LYST: variants seen among roughly 807,000 people sequenced by gnomAD.
LYST encodes the protein lysosomal trafficking regulator.
A neutral mutation model predicts 413.6 loss-of-function variants in LYST; 192 were observed. The observed-to-expected ratio is 0.46, with a 90% CI of 0.41 to 0.52. LYST has a LOEUF of 0.52. Among genes scored for constraint, LYST ranks in the 20% least tolerant of loss-of-function variants. LYST has a pLI of 0.00. For synonymous variants in LYST, 1,525 were observed against 1,567.3 expected, an observed-to-expected ratio of 0.97 and a Z score of 0.64; for missense variants, 3,815 against 4,499.9, an observed-to-expected ratio of 0.85 and a Z score of 4.35.
At chr1:235,691,083 A>AT (rs1181052416) in intron 47 of LYST, among the ~76,000 whole-genome samples, 20 of 151,598 alleles carry the variant, frequency 1.3e-4, no homozygotes, top group Admixed American at 2.6e-4. Context: ...CGCCCAGCTA[A>AT]TTTTTTTTGT....
chr1:235,851,207 G>A (rs929820856), intron 1 of LYST, among the ~76,000 whole-genome samples: 54 of 151,302 alleles, frequency 3.6e-4, no homozygotes, highest in Non-Finnish European at 7.4e-4. Context: ...TATATATGAT[G>A]AAATACAATG....
chr1:235,698,984 A>G (rs1451304053), intron 45 of LYST, among the ~76,000 whole-genome samples: 1 of 152,192 alleles, frequency 6.6e-6, no homozygotes, highest in Non-Finnish European at 1.5e-5. Context: ...GAATTCATAT[A>G]AAAGGAACTT....
At chr1:235,813,959 C>G (rs1352423997) in intron 3 of LYST, among the ~76,000 whole-genome samples, 1 of 152,072 alleles carries the variant, frequency 6.6e-6, no homozygotes, top group Non-Finnish European at 1.5e-5. Flanking sequence ...GTGTTAGAGG[C>G]AGGGTAACAA....
intron 34 of LYST, among the ~76,000 whole-genome samples, chr1:235,732,224 C>A (rs1034874124): frequency 6.6e-6 from 1 of 152,052 alleles, no homozygotes; most frequent in African/African-American, 2.4e-5. Flanking sequence ...ATGTATTTAA[C>A]CATATTACGG....
intron 25 of LYST, 113 bp from the exon 26 acceptor site, chr1:235,753,387 TG>T: frequency 1.4e-6 from 1 of 709,208 alleles, no homozygotes. Flanking sequence ...AAAAACAAGT[TG>T]GGGGAGTAAG....
At position 235,759,041 on chromosome 1, in the gene LYST, T is replaced by C. The variant is rs112601869; in HGVS notation, c.6812A>G (p.Asp2271Gly). The part of the protein sequence containing the change: ...RWPSLVDRNT[D>G]DWENFAYSLG... ...AGAATAGGCAAAGTTTTCCCAATCA[T>C]CAGTGTTTCTATCAACAAGACTTGG... Residue 2271 changes from aspartate (D) to glycine (G), a missense_variant, in exon 23 of 53, where the codon GAT (aspartate) becomes GGT (glycine). By Grantham distance (94) the Asp-to-Gly change is moderately conservative. Around this residue, in one of 4 missense-constraint regions of LYST, gnomAD observed 771 missense variants for 837.1 expected, o/e 0.92. Coordinates refer to ENST00000389793, the MANE Select transcript of LYST (RefSeq NM_000081.4). The C allele has an allele frequency of 1.2e-3, 1,884 of 1,614,082 alleles. 27 individuals carry two copies. In the African/African-American group the frequency reaches 0.018, roughly 16 times the overall value.
intron 32 of LYST, 44 bp downstream of exon 32, chr1:235,734,439 A>C (rs536540053): frequency 2.7e-6 from 4 of 1,457,202 alleles, no homozygotes; most frequent in South Asian, 1.1e-5. Flanking sequence ...TTCTTTATCT[A>C]TGATGGAATC....
intron 47 of LYST, among the ~76,000 whole-genome samples, chr1:235,692,831 G>A (rs1660772747): frequency 6.7e-6 from 1 of 150,006 alleles, no homozygotes. Context: ...GGCCAGCCTG[G>A]GCAACATGGA....
intron 1 of LYST, among the ~76,000 whole-genome samples, chr1:235,841,462 T>C (rs1003931855): frequency 5.9e-5 from 9 of 152,178 alleles, no homozygotes; most frequent in Non-Finnish European, 2.9e-5. Flanking sequence ...TGGCACCATG[T>C]TGGTAGCTTA....
intron 19 of LYST, among the ~76,000 whole-genome samples, chr1:235,773,454 C>T (rs944902508): frequency 5.3e-5 from 8 of 152,064 alleles, no homozygotes; most frequent in South Asian, 4.2e-4. Context: ...ATATATAGAA[C>T]GGAATATTAT....
intron 1 of LYST, among the ~76,000 whole-genome samples, chr1:235,858,798 G>A (rs1327046806): frequency 6.6e-6 from 1 of 152,090 alleles, no homozygotes. Context: ...GCATTGTTAT[G>A]GGGGTGGGGA....
intron 31 of LYST, 82 bp downstream of exon 31, chr1:235,741,338 TCA>T: frequency 8.8e-7 from 1 of 1,138,812 alleles, no homozygotes; most frequent in South Asian, 1.2e-5. Context: ...GCATGAACAT[TCA>T]GTTTAATTTC....
Position 235,793,525 on chromosome 1 carries a change from A to T in LYST, c.4094T>A (p.Phe1365Tyr). Reference sequence around the variant, plus strand: ...TACTGTACAAGGAGATTTCTCCAGAAATATTCTCAAAAGAAGGGTTAGCTC... The same window carrying T: ...TACTGTACAAGGAGATTTCTCCAGATATATTCTCAAAAGAAGGGTTAGCTC... ...SEELTLLLRI[F>Y]LEKSPCTKIL... is the part of the protein sequence containing the mutation. The change falls in exon 11 of 53, where the codon TTT becomes TAT. Residue 1365 changes from phenylalanine (F) to tyrosine (Y), a missense_variant. Physicochemically the swap from Phe to Tyr is conservative, Grantham distance 22. Coordinates refer to ENST00000389793, the MANE Select transcript of LYST (RefSeq NM_000081.4). The T allele has an allele frequency of 6.4e-7, 1 of 1,569,106 alleles. No homozygotes were observed. The highest frequency in any genetic ancestry group is 8.8e-7 in the Non-Finnish European group (1 of 1,142,618).
chr1:235,763,622 T>C (rs1443725189), intron 21 of LYST, among the ~76,000 whole-genome samples: 1 of 135,178 alleles, frequency 7.4e-6, no homozygotes, highest in African/African-American at 2.4e-5. Flanking sequence ...AGCAACTTTT[T>C]TTTTCTTTTT....
chr1:235,664,598 G>A lies in LYST; in HGVS notation c.11062C>T (p.Leu3688Phe), dbSNP rs748823383. The A allele has an allele frequency of 1.2e-6, 2 of 1,614,138 alleles. No homozygotes were observed. The highest frequency in any genetic ancestry group is 2.7e-5 in the African/African-American group (2 of 75,034). The change falls in exon 51 of 53, where the codon CTC becomes TTC. Residue 3688 changes from leucine (L) to phenylalanine (F), a missense_variant. Leu to Phe is a conservative substitution (Grantham distance 22, BLOSUM62 0). This residue lies in a region of LYST where 866 missense variants were observed against 1,156.0 expected (regional missense o/e 0.75). Transcript: ENST00000389793. The surrounding 1 kb of genome is among the most constrained non-coding windows in gnomAD (Gnocchi z 4.5). ...DSAGGGSDLR[L>F]WTVNGDLVGH... Reference sequence around the variant, plus strand: ...ACGAGATCCCCGTTCACCGTCCAGAGTCTGAGGTCACTGCCTCCGCCAGCT... The same window carrying A: ...ACGAGATCCCCGTTCACCGTCCAGAATCTGAGGTCACTGCCTCCGCCAGCT...
In LYST at chr1:235,689,841, A is replaced by C. The variant is rs772905406; in HGVS notation, c.10702-2794T>G. Among the ~76,000 whole-genome samples the C allele has an allele frequency of 3.3e-5, 5 of 152,244 alleles. No individual in the cohort carries two copies. The South Asian group carries it at 1.0e-3, about 31-fold the overall frequency. On this transcript the variant is annotated intron_variant, in intron 47 of 52. Coordinates refer to ENST00000389793, the MANE Select transcript of LYST (RefSeq NM_000081.4). Reference sequence around the variant, plus strand: ...GAAAAAAATAAAAATAAGAATTTTAAACAACTTTATTCAAGCTTTGGATCT... The same window carrying C: ...GAAAAAAATAAAAATAAGAATTTTACACAACTTTATTCAAGCTTTGGATCT...
chr1:235,797,981 T>C (rs1202745578), intron 10 of LYST, among the ~76,000 whole-genome samples: 2 of 152,196 alleles, frequency 1.3e-5, no homozygotes, highest in African/African-American at 2.4e-5. Flanking sequence ...TAGATATTTC[T>C]TCAAACAAGA....
At chr1:235,773,741 A>C in intron 19 of LYST, 101 bp downstream of exon 19, 1 of 890,460 alleles carries the variant, frequency 1.1e-6, no homozygotes, top group Non-Finnish European at 1.8e-6. Flanking sequence ...AAATGCACTT[A>C]ATGCCACTGA....
At chr1:235,772,640 G>T (rs1184756341) in intron 19 of LYST, among the ~76,000 whole-genome samples, 1 of 152,178 alleles carries the variant, frequency 6.6e-6, no homozygotes, top group South Asian at 2.1e-4. Flanking sequence ...ATCAATCTAT[G>T]TTGCTTAATT....
Sources: allele counts gnomAD v4.1 joint callset (sites outside exome capture counted in the v4.1 genomes callset), GRCh38; gene constraint gnomAD v4.1.1; regional missense constraint gnomAD v4.1.1; non-coding constraint Gnocchi (gnomAD v3.1); transcripts MANE v1.5; gene names NCBI Gene and HGNC (gene_info 2026-07-23, HGNC 2026-07-21).